The following SARDH variants were observed in gnomAD, a reference collection of about 807,000 sequenced individuals.
The protein encoded by SARDH is sarcosine dehydrogenase.
In SARDH, 95 loss-of-function variants were observed where a neutral mutation model predicts 109.1. The ratio of observed to expected loss-of-function variants is 0.87; its 90% CI spans 0.74 to 1.03. SARDH has a LOEUF of 1.03. Among genes scored for constraint, SARDH ranks in the 50% least tolerant of loss-of-function variants. The pLI is 0.00. For missense variants in SARDH, 1,267 were observed against 1,287.8 expected (o/e 0.98, Z 0.25); for synonymous variants, 572 against 534.8 (o/e 1.07, Z -0.96).
At chr9:133,659,645 G>A (rs912617929), downstream of SARDH, among the ~76,000 whole-genome samples, 21 of 152,186 alleles carry the variant, frequency 1.4e-4, no homozygotes, top group African/African-American at 3.9e-4. Flanking sequence ...TCAGCTAAGC[G>A]GCTGCTGCTT....
rs776085162 is a variant in SARDH at position 133,731,298 on chromosome 9, T to C, written c.690+7A>G. On this transcript the variant is annotated splice_region_variant and intron_variant, in intron 4 of 20. Transcript: ENST00000439388. Reference sequence around the variant, plus strand: ...CAGGGGACCCAGAGCCAGGCGGCCATCAGTACCTGTGCTCCTCGGGCAGAA... The same window carrying C: ...CAGGGGACCCAGAGCCAGGCGGCCACCAGTACCTGTGCTCCTCGGGCAGAA... The C allele has an allele frequency of 1.9e-6, 3 of 1,613,856 alleles. No individual in the cohort carries two copies. Among genetic ancestry groups the C allele is most frequent in the Non-Finnish European group, 1.7e-6 (2 of 1,179,908 alleles).
chr9:133,688,966 G>A (rs376069104), intron 16 of SARDH, among the ~76,000 whole-genome samples: 1 of 152,192 alleles, frequency 6.6e-6, no homozygotes, highest in Non-Finnish European at 1.5e-5. Flanking sequence ...ATGCTTGGAC[G>A]GACAGCAACA....
At chr9:133,736,381 G>A (rs572765446) in intron 1 of SARDH, among the ~76,000 whole-genome samples, 1 of 118,466 alleles carries the variant, frequency 8.4e-6, no homozygotes, top group Non-Finnish European at 1.8e-5. Context: ...CTGTTTTGTT[G>A]TTGTTGTTGT....
upstream of SARDH, chr9:133,738,389 A>C: frequency 6.9e-6 from 1 of 144,256 alleles, no homozygotes; most frequent in South Asian, 2.4e-4. Flanking sequence ...TGCCAGCCCC[A>C]TGTCTCCGCC....
In SARDH at chr9:133,692,613, G is replaced by T. The variant is rs1349757600; in HGVS notation, c.1921+1645C>A. On this transcript the variant is annotated intron_variant, in intron 15 of 20. Coordinates refer to ENST00000439388, the MANE Select transcript of SARDH (RefSeq NM_001134707.2). This position sits in a 1 kb window ranked among gnomAD's most constrained non-coding sequence, Gnocchi z 5.0. ...ACACCTCGCTCTTTCCCATCCCCTT[G>T]CATGTCCCCCTCCAGGTGTTACGGG... Among the ~76,000 whole-genome samples the T allele has an allele frequency of 6.6e-6, 1 of 152,062 alleles. No homozygotes were observed. The highest frequency in any genetic ancestry group is 6.6e-5 in the Admixed American group (1 of 15,258).
intron 6 of SARDH, among the ~76,000 whole-genome samples, chr9:133,722,289 C>T (rs1307052326): frequency 7.7e-6 from 1 of 129,642 alleles, no homozygotes; most frequent in African/African-American, 3.0e-5. Context: ...TTGACAGAAT[C>T]CAACATCTTT....
chr9:133,736,465 G>C (rs1832890276), intron 1 of SARDH, among the ~76,000 whole-genome samples: 3 of 152,092 alleles, frequency 2.0e-5, no homozygotes, highest in African/African-American at 7.2e-5. Flanking sequence ...GCATGATCTT[G>C]GCTCACTGCA....
chr9:133,714,106 C>G (rs1412768879), intron 8 of SARDH, among the ~76,000 whole-genome samples: 1 of 152,244 alleles, frequency 6.6e-6, no homozygotes, highest in Non-Finnish European at 1.5e-5. Context: ...AAGCGGCCGG[C>G]CCTGGTCTGA....
chr9:133,721,145 G>A (rs890354839), intron 6 of SARDH, among the ~76,000 whole-genome samples: 4 of 152,144 alleles, frequency 2.6e-5, no homozygotes, highest in African/African-American at 9.7e-5. Flanking sequence ...TCCTCCGATT[G>A]AAAATCACGC....
intron 20 of SARDH, among the ~76,000 whole-genome samples, chr9:133,664,893 G>A (rs1239078750): frequency 1.3e-5 from 2 of 152,286 alleles, no homozygotes; most frequent in Non-Finnish European, 2.9e-5. Context: ...AGATGTCCAC[G>A]GGCATGCACA....
Position 133,670,756 on chromosome 9 carries a change from T to G in SARDH, c.2327-4A>C, listed in dbSNP as rs964295908. On this transcript the variant is annotated splice_region_variant and splice_polypyrimidine_tract_variant and intron_variant, in intron 18 of 20. Transcript: ENST00000439388. ...TCCGCGTGCCAGTGCCGGTAGCCTG[T>G]GGGAAGGGAATCCATGGGGTCGGTG... 12 of 1,563,376 alleles carry G rather than the reference T, an allele frequency of 7.7e-6. No homozygotes were observed. The highest frequency in any genetic ancestry group is 1.0e-5 in the Non-Finnish European group (12 of 1,156,774).
intron 14 of SARDH, among the ~76,000 whole-genome samples, chr9:133,694,742 G>C (rs1368146848): frequency 6.6e-6 from 1 of 152,230 alleles, no homozygotes. Flanking sequence ...CTCCGTGCCT[G>C]GTACCGGAGA....
downstream of SARDH, among the ~76,000 whole-genome samples, chr9:133,662,624 C>A (rs886205731): frequency 2.0e-5 from 3 of 152,248 alleles, no homozygotes; most frequent in Non-Finnish European, 4.4e-5. This position sits in a 1 kb window ranked among gnomAD's most constrained non-coding sequence, Gnocchi z 5.1. Flanking sequence ...CTGCCCACAG[C>A]TTTGTTCGAG....
At chr9:133,660,379 G>A (rs1257695049), downstream of SARDH, among the ~76,000 whole-genome samples, 1 of 152,150 alleles carries the variant, frequency 6.6e-6, no homozygotes, top group East Asian at 1.9e-4. Flanking sequence ...TGACTCCAGT[G>A]TCTGAATGCT....
At chr9:133,727,986 C>G (rs1192832149) in intron 6 of SARDH, among the ~76,000 whole-genome samples, 2 of 152,146 alleles carry the variant, frequency 1.3e-5, no homozygotes, top group African/African-American at 4.8e-5. Context: ...CTCCCAGAAC[C>G]CACTGAGACC....
At position 133,732,595 on chromosome 9, in the gene SARDH, A is replaced by G; in HGVS notation, c.338T>C (p.Leu113Pro). 6.2e-7 allele frequency: 1 copy of G among 1,606,148 alleles called. No homozygotes were observed. The highest frequency in any genetic ancestry group is 8.5e-7 in the Non-Finnish European group (1 of 1,175,802). Residue 113 changes from leucine to proline, a missense_variant, in exon 3 of 21, where the codon CTG (leucine) becomes CCG (proline). By Grantham distance (98) the Leu-to-Pro change is moderately conservative. Transcript: ENST00000439388. ...SGTTWHTAGL[L>P]WQLRPSDVEV... Reference sequence around the variant, plus strand: ...CACGTCACTGGGCCGCAGCTGCCACAGCAGGCCTGCCCGGGAGGGTGGGTG... The same window carrying G: ...CACGTCACTGGGCCGCAGCTGCCACGGCAGGCCTGCCCGGGAGGGTGGGTG...
At chr9:133,667,653 C>T (rs903603758) in intron 19 of SARDH, among the ~76,000 whole-genome samples, 2 of 151,742 alleles carry the variant, frequency 1.3e-5, no homozygotes, top group Non-Finnish European at 2.9e-5. Flanking sequence ...AGTCTGCAGA[C>T]TTCTCCCTGT....
rs1259713943 is a variant in SARDH at position 133,704,909 on chromosome 9, A to C, written c.1554+39T>G. On this transcript the variant is annotated intron_variant, in intron 12 of 20. Coordinates refer to ENST00000439388, the MANE Select transcript of SARDH (RefSeq NM_001134707.2). The surrounding 1 kb of genome is among the most constrained non-coding windows in gnomAD (Gnocchi z 4.5). ...GGAGGGGCAAGGGGGTTGTCAGGGC[A>C]GGGCCTCCCAGCAGCACAGCCCAGC... 1 of 1,528,728 alleles carries C rather than the reference A, an allele frequency of 6.5e-7. No individual in the cohort carries two copies. The highest frequency in any genetic ancestry group is 2.0e-5 in the Admixed American group (1 of 51,224). The allele number at this position is 1,528,728 out of a possible 1,614,324, so 94.7% of individuals were successfully genotyped here. A position where few individuals can be genotyped will look rare whatever the true frequency, so the allele number is the denominator to read the frequency against.
downstream of SARDH, among the ~76,000 whole-genome samples, chr9:133,660,005 C>T (rs1169507245): frequency 6.6e-6 from 1 of 152,090 alleles, no homozygotes; most frequent in East Asian, 1.9e-4. Context: ...CCAAGAGCGG[C>T]AGTGATTGGG....
Sources: gnomAD v4.1 joint callset for allele counts (sites outside exome capture counted in the v4.1 genomes callset) on GRCh38, gnomAD v4.1.1 for gene constraint, Gnocchi (gnomAD v3.1) non-coding constraint, MANE v1.5 for transcripts, NCBI Gene and HGNC (gene_info 2026-07-23, HGNC 2026-07-21) for gene names.